CD96: variants seen among roughly 807,000 people sequenced by gnomAD.
CD96 encodes the protein CD96 molecule.
In CD96, 70 loss-of-function variants were observed where a neutral mutation model predicts 71.3. The ratio of observed to expected loss-of-function variants is 0.98; its 90% CI spans 0.81 to 1.20. CD96 has a LOEUF of 1.20. Ranked by LOEUF, CD96 falls within the 50% of genes most tolerant of loss-of-function variation. The pLI, the probability that CD96 is intolerant of heterozygous loss-of-function variation, is 0.00. For missense variants in CD96, 742 were observed against 677.5 expected (o/e 1.10, Z -1.06); for synonymous variants, 248 against 233.0 (o/e 1.06, Z -0.59).
intron 3 of CD96, among the ~76,000 whole-genome samples, chr3:111,569,246 C>T (rs956338393): frequency 6.6e-6 from 1 of 152,034 alleles, no homozygotes; most frequent in Non-Finnish European, 1.5e-5. Flanking sequence ...TTTTCACTGT[C>T]TAGGTATTTT....
At chr3:111,593,031 A>G (rs1365975566) in intron 5 of CD96, 1 of 152,404 alleles carries the variant, frequency 6.6e-6, no homozygotes, top group African/African-American at 2.4e-5. Flanking sequence ...GTCACACAGA[A>G]CAAGCTTTTA....
In CD96 at chr3:111,624,837, G is replaced by C. The variant is rs117830862; in HGVS notation, c.1321+433G>C. ...CGTATCAGTAATAAAAATGAAAAGA[G>C]AGAGACCAACGTGAGTCCAGAAATT... On this transcript the variant is annotated intron_variant, in intron 10 of 13. Coordinates refer to ENST00000352690, the MANE Select transcript of CD96 (RefSeq NM_005816.5). 8.1e-4 allele frequency among the ~76,000 whole-genome samples: 123 copies of C among 152,350 alleles called. 4 individuals carry two copies. The East Asian group carries it at 0.023, about 29-fold the overall frequency.
At chr3:111,624,238 CA>C in intron 9 of CD96, 94 bp from the exon 10 acceptor site, 4 of 858,336 alleles carry the variant, frequency 4.7e-6, no homozygotes, top group Non-Finnish European at 8.0e-6. Context: ...CAGATTTCCC[CA>C]AAGTCACATA....
intron 1 of CD96, 30 bp downstream of exon 1, chr3:111,542,339 G>A (rs376814420): frequency 1.0e-5 from 16 of 1,573,514 alleles, no homozygotes; most frequent in Middle Eastern, 1.7e-4. Flanking sequence ...CTTCTTGTCG[G>A]ATGGGCCGCT....
intron 3 of CD96, among the ~76,000 whole-genome samples, chr3:111,571,615 T>C (rs748191119): frequency 2.0e-5 from 3 of 152,186 alleles, no homozygotes; most frequent in Non-Finnish European, 2.9e-5. Flanking sequence ...CCTCAAGCCA[T>C]GCTGCCACTT....
chr3:111,611,371 G>A (rs1405841741), intron 8 of CD96, among the ~76,000 whole-genome samples: 1 of 152,210 alleles, frequency 6.6e-6, no homozygotes, highest in Non-Finnish European at 1.5e-5. Context: ...GTCAGAAATG[G>A]TGGGGGATCA....
At chr3:111,629,013 G>A (rs990033287) in intron 10 of CD96, among the ~76,000 whole-genome samples, 1 of 152,104 alleles carries the variant, frequency 6.6e-6, no homozygotes. Flanking sequence ...CCTGAAGGAA[G>A]CACTAAAAAT....
chr3:111,644,086 T>C (rs780657005), intron 12 of CD96, among the ~76,000 whole-genome samples: 1 of 152,128 alleles, frequency 6.6e-6, no homozygotes, highest in Non-Finnish European at 1.5e-5. Flanking sequence ...TTTCCAACTA[T>C]ACTATAAAGC....
chr3:111,617,803 C>T (rs1365144672), intron 8 of CD96, among the ~76,000 whole-genome samples: 2 of 152,224 alleles, frequency 1.3e-5, no homozygotes, highest in Non-Finnish European at 1.5e-5. Context: ...AGCTGAAACA[C>T]ACCTCCCACC....
chr3:111,552,022 T>A (rs1049379815), intron 2 of CD96, among the ~76,000 whole-genome samples: 1 of 152,182 alleles, frequency 6.6e-6, no homozygotes, highest in African/African-American at 2.4e-5. Flanking sequence ...CTCCTTGTAG[T>A]TTTGATTTGC....
chr3:111,546,303 G>T (rs1355500987), intron 2 of CD96, among the ~76,000 whole-genome samples: 4 of 152,184 alleles, frequency 2.6e-5, no homozygotes, highest in Non-Finnish European at 5.9e-5. Flanking sequence ...GTAAAGGAAG[G>T]TTTGTGGGTG....
At position 111,585,325 on chromosome 3, in the gene CD96, A is replaced by G. The variant is rs778505423; in HGVS notation, c.754A>G (p.Lys252Glu). Reference protein sequence around the residue: ...RSSTTVKVFAKPEIPVIVENN... With the variant: ...RSSTTVKVFAEPEIPVIVENN... ...ACTATGTTTTATTTGCCTTTAAGCT[A>G]AACCAGAAATCCCTGTGATTGTGGA... Residue 252 changes from lysine to glutamate, a missense_variant and splice_region_variant, in exon 5 of 14, where the codon AAA becomes GAA. By Grantham distance (56) the Lys-to-Glu change is moderately conservative. Transcript: ENST00000352690. The G allele has an allele frequency of 1.2e-5, 19 of 1,608,736 alleles. No individual in the cohort carries two copies. The highest frequency in any genetic ancestry group is 3.3e-5 in the South Asian group (3 of 90,984).
chr3:111,639,258 G>A (rs931934444), intron 12 of CD96, among the ~76,000 whole-genome samples: 2 of 152,192 alleles, frequency 1.3e-5, no homozygotes, highest in Non-Finnish European at 2.9e-5. Flanking sequence ...CCTCCACCTG[G>A]AGACAGACTC....
intron 14 of CD96, among the ~76,000 whole-genome samples, chr3:111,660,338 A>G (rs923471576): frequency 7.9e-5 from 12 of 152,252 alleles, no homozygotes; most frequent in African/African-American, 2.7e-4. Flanking sequence ...AAGAAAAACT[A>G]CAAAACACTG....
chr3:111,636,224 T>C (rs1192346515), intron 10 of CD96, among the ~76,000 whole-genome samples: 1 of 152,204 alleles, frequency 6.6e-6, no homozygotes, highest in African/African-American at 2.4e-5. Context: ...AATGGACTCT[T>C]ACCTCTTCTG....
rs886057771 is a variant in CD96 at position 111,649,997 on chromosome 3, G to A, written c.*191G>A. The A allele has an allele frequency of 4.1e-5, 26 of 627,942 alleles. No homozygotes were observed. In the East Asian group the frequency reaches 7.4e-4, roughly 18 times the overall value. The allele number at this position is 627,942 out of a possible 1,614,324, so 38.9% of individuals were successfully genotyped here. A position where few individuals can be genotyped will look rare whatever the true frequency, so the allele number is the denominator to read the frequency against. On this transcript the variant is annotated 3_prime_UTR_variant, in exon 14 of 14. Coordinates refer to ENST00000352690, the MANE Select transcript of CD96 (RefSeq NM_005816.5). ...CCAAACGCCTGAAGCTTAACCAAGA[G>A]TGAGAGGATATGTCATGTTCACACT...
At chr3:111,644,755 C>T (rs1939748291) in intron 12 of CD96, among the ~76,000 whole-genome samples, 1 of 152,012 alleles carries the variant, frequency 6.6e-6, no homozygotes, top group Non-Finnish European at 1.5e-5. Flanking sequence ...GGCTAACAAA[C>T]ATATGAAAAA....
At chr3:111,661,922 G>C (rs113143022) in intron 14 of CD96, among the ~76,000 whole-genome samples, 13 of 152,292 alleles carry the variant, frequency 8.5e-5, no homozygotes, top group Non-Finnish European at 1.3e-4. Flanking sequence ...ATGTATGGGG[G>C]TTCCAAGCTC....
chr3:111,605,426 A>G (rs1937595857), intron 7 of CD96, among the ~76,000 whole-genome samples: 1 of 152,224 alleles, frequency 6.6e-6, no homozygotes, highest in South Asian at 2.1e-4. Flanking sequence ...ATTATTTGAG[A>G]GAGATGGAAA....
Sources: allele counts gnomAD v4.1 joint callset (sites outside exome capture counted in the v4.1 genomes callset), GRCh38; gene constraint gnomAD v4.1.1; transcripts MANE v1.5; gene names NCBI Gene and HGNC (gene_info 2026-07-23, HGNC 2026-07-21).